GPATCH2: variants seen among roughly 807,000 people sequenced by gnomAD.
The protein encoded by GPATCH2 is G patch domain-containing protein 2.
In GPATCH2, 51 loss-of-function variants were observed where a neutral mutation model predicts 58.0. The ratio of observed to expected loss-of-function variants is 0.88; its 90% CI spans 0.70 to 1.11. The LOEUF (loss-of-function observed/expected upper bound fraction) is 1.11, where lower values mean the gene tolerates loss of function less well. GPATCH2 is among the 50% of genes most tolerant of loss of function. GPATCH2 has a pLI of 0.00. For missense variants in GPATCH2, 625 were observed against 652.2 expected, an observed-to-expected ratio of 0.96 and a Z score of 0.45; for synonymous variants, 222 against 218.5, an observed-to-expected ratio of 1.02 and a Z score of -0.14.
At chr1:217,493,782 A>G (rs940941666) in intron 7 of GPATCH2, among the ~76,000 whole-genome samples, 3 of 152,182 alleles carry the variant, frequency 2.0e-5, no homozygotes, top group Admixed American at 2.0e-4. Flanking sequence ...TTTGTGACAC[A>G]GATAGCTAGA....
chr1:217,563,566 A>T (rs1666036598), intron 5 of GPATCH2, among the ~76,000 whole-genome samples: 1 of 152,200 alleles, frequency 6.6e-6, no homozygotes, highest in Non-Finnish European at 1.5e-5. Context: ...TTTTCCTATT[A>T]TTTGATGCTG....
intron 5 of GPATCH2, among the ~76,000 whole-genome samples, chr1:217,516,683 T>G (rs751003656): frequency 4.6e-5 from 7 of 152,228 alleles, no homozygotes; most frequent in Admixed American, 3.9e-4. Flanking sequence ...GTATGTTCTA[T>G]GTACAGGCAA....
At chr1:217,614,109 T>A (rs773547080) in intron 3 of GPATCH2, 32 bp downstream of exon 3, 3 of 1,282,894 alleles carry the variant, frequency 2.3e-6, no homozygotes, top group Non-Finnish European at 3.4e-6. Flanking sequence ...AAGAAGTTTT[T>A]CCAAAGAGAG....
intron 5 of GPATCH2, among the ~76,000 whole-genome samples, chr1:217,547,348 G>C (rs199731087): frequency 1.8e-5 from 2 of 108,218 alleles, no homozygotes; most frequent in Non-Finnish European, 4.3e-5. Flanking sequence ...GGGTGACAGC[G>C]CAAAAAAAAA....
chr1:217,546,499 A>G (rs1665058763), intron 5 of GPATCH2, among the ~76,000 whole-genome samples: 1 of 152,218 alleles, frequency 6.6e-6, no homozygotes. Context: ...AGACAGAAAC[A>G]AGCAATGGTA....
At chr1:217,501,031 C>G (rs1476878792) in intron 6 of GPATCH2, among the ~76,000 whole-genome samples, 1 of 152,036 alleles carries the variant, frequency 6.6e-6, no homozygotes, top group Non-Finnish European at 1.5e-5. Context: ...AGACTAGATA[C>G]AGAACAATTT....
intron 6 of GPATCH2, among the ~76,000 whole-genome samples, chr1:217,499,440 A>G (rs1662187867): frequency 6.6e-6 from 1 of 152,276 alleles, no homozygotes; most frequent in Non-Finnish European, 1.5e-5. Context: ...AAGGGTTTAC[A>G]TCTCCTGGGA....
At chr1:217,617,531 G>GAC (rs140969041) in intron 2 of GPATCH2, among the ~76,000 whole-genome samples, 3 of 151,718 alleles carry the variant, frequency 2.0e-5, no homozygotes, top group African/African-American at 7.3e-5. Context: ...TGTTAAATCT[G>GAC]ACACACACAC....
chr1:217,554,976 C>T (rs890367936), intron 5 of GPATCH2, among the ~76,000 whole-genome samples: 1 of 152,142 alleles, frequency 6.6e-6, no homozygotes, highest in East Asian at 1.9e-4. Flanking sequence ...AGAGTAGGAA[C>T]TTTAAAGATT....
chr1:217,575,568 T>C (rs1471523633), intron 5 of GPATCH2, among the ~76,000 whole-genome samples: 1 of 152,170 alleles, frequency 6.6e-6, no homozygotes, highest in Non-Finnish European at 1.5e-5. Context: ...ATTCTTTATG[T>C]GCTTCCAATT....
At chr1:217,614,305 A>G in intron 2 of GPATCH2, 103 bp from the exon 3 acceptor site, 1 of 687,530 alleles carries the variant, frequency 1.5e-6, no homozygotes, top group Non-Finnish European at 2.6e-6. Context: ...CTTAAGCCTG[A>G]CAAAGATCTG....
intron 7 of GPATCH2, among the ~76,000 whole-genome samples, chr1:217,493,558 G>T (rs544532754): frequency 2.3e-4 from 35 of 152,190 alleles, no homozygotes; most frequent in African/African-American, 8.2e-4. Flanking sequence ...CAGGAAGTGA[G>T]ATCTGGTATC....
At chr1:217,446,233 T>C (rs549401687) in intron 9 of GPATCH2, among the ~76,000 whole-genome samples, 1 of 152,192 alleles carries the variant, frequency 6.6e-6, no homozygotes, top group African/African-American at 2.4e-5. Flanking sequence ...ACTACGAAAA[T>C]ATATCTCAAC....
intron 5 of GPATCH2, among the ~76,000 whole-genome samples, chr1:217,520,775 T>C (rs1663412910): frequency 6.6e-6 from 1 of 152,190 alleles, no homozygotes; most frequent in African/African-American, 2.4e-5. Flanking sequence ...ATTAATATAA[T>C]TAGAAATATT....
At chr1:217,457,288 C>CT (rs1659987953) in intron 8 of GPATCH2, among the ~76,000 whole-genome samples, 1 of 152,150 alleles carries the variant, frequency 6.6e-6, no homozygotes, top group Non-Finnish European at 1.5e-5. Context: ...AAAAAGTCCG[C>CT]TTATCAATGT....
intron 8 of GPATCH2, among the ~76,000 whole-genome samples, chr1:217,483,883 T>C (rs528996811): frequency 1.1e-4 from 17 of 152,346 alleles, no homozygotes; most frequent in African/African-American, 3.6e-4. Context: ...AAATATTTTA[T>C]AAGATATGTG....
chr1:217,622,617 C>T (rs934704805), intron 1 of GPATCH2, among the ~76,000 whole-genome samples: 9 of 152,218 alleles, frequency 5.9e-5, no homozygotes, highest in Non-Finnish European at 1.3e-4. Flanking sequence ...GATCTCGGCT[C>T]ACTGCAACTT....
chr1:217,558,679 T>C (rs1665764500), intron 5 of GPATCH2, among the ~76,000 whole-genome samples: 1 of 152,140 alleles, frequency 6.6e-6, no homozygotes, highest in African/African-American at 2.4e-5. Flanking sequence ...CCTGGAGTGG[T>C]GGCTCGCACC....
At chr1:217,596,940 T>G (rs1667860398) in intron 5 of GPATCH2, among the ~76,000 whole-genome samples, 1 of 152,138 alleles carries the variant, frequency 6.6e-6, no homozygotes, top group African/African-American at 2.4e-5. Context: ...ATATATTTAT[T>G]TCAGCTTCCT....
Sources: gnomAD v4.1 joint callset for allele counts (sites outside exome capture counted in the v4.1 genomes callset) on GRCh38, gnomAD v4.1.1 for gene constraint, MANE v1.5 for transcripts, NCBI Gene and HGNC (gene_info 2026-07-23, HGNC 2026-07-21) for gene names.